Variants in AGBL4 observed in about 807,000 individuals in gnomAD.
AGBL4 encodes cytosolic carboxypeptidase 6.
A neutral mutation model predicts 66.4 loss-of-function variants in AGBL4; 58 were observed. The ratio of observed to expected loss-of-function variants is 0.87; its 90% confidence interval spans 0.71 to 1.09. The LOEUF (loss-of-function observed/expected upper bound fraction) is 1.09, where lower values mean the gene tolerates loss of function less well. Among genes scored for constraint, AGBL4 ranks in the 50% least tolerant of loss-of-function variants. AGBL4 has a pLI of 0.00. For missense variants in AGBL4, 579 were observed against 631.0 expected, an observed-to-expected ratio of 0.92 and a Z score of 0.88; for synonymous variants, 234 against 222.9, an observed-to-expected ratio of 1.05 and a Z score of -0.44.
At chr1:48,807,335 G>A (rs1645948477) in intron 6 of AGBL4, among the ~76,000 whole-genome samples, 1 of 152,190 alleles carries the variant, frequency 6.6e-6, no homozygotes, top group Admixed American at 6.5e-5. Context: ...TCCTAGTCCA[G>A]GGTTTTACCA....
At chr1:49,207,542 T>TTCCTTTCTTTC (rs1648288037) in intron 4 of AGBL4, among the ~76,000 whole-genome samples, 1 of 77,976 alleles carries the variant, frequency 1.3e-5, no homozygotes, top group East Asian at 3.9e-4. Context: ...TTTTTCTTTC[T>TTCCTTTCTTTC]TTTCTTTCTT....
chr1:49,921,796 T>C (rs1652283251), intron 1 of AGBL4, among the ~76,000 whole-genome samples: 1 of 152,182 alleles, frequency 6.6e-6, no homozygotes, highest in Non-Finnish European at 1.5e-5. Context: ...ATATCCCACC[T>C]TATTCTGCCT....
At chr1:49,771,252 T>A (rs1644048094) in intron 2 of AGBL4, among the ~76,000 whole-genome samples, 1 of 152,170 alleles carries the variant, frequency 6.6e-6, no homozygotes, top group African/African-American at 2.4e-5. Flanking sequence ...ATTTATTCAT[T>A]GGCCCATTGG....
At chr1:49,674,857 T>C (rs1454041100) in intron 3 of AGBL4, among the ~76,000 whole-genome samples, 1 of 152,132 alleles carries the variant, frequency 6.6e-6, no homozygotes, top group Non-Finnish European at 1.5e-5. Flanking sequence ...AATCACAAAA[T>C]AGTGCTTGCA....
chr1:48,769,279 G>T (rs927001053), intron 6 of AGBL4, among the ~76,000 whole-genome samples: 2 of 152,036 alleles, frequency 1.3e-5, no homozygotes, highest in Admixed American at 1.3e-4. Flanking sequence ...GGAATTGCTA[G>T]CCAGGTTTCA....
chr1:49,636,685 A>G (rs796974514), intron 3 of AGBL4, among the ~76,000 whole-genome samples: 11 of 152,310 alleles, frequency 7.2e-5, no homozygotes, highest in African/African-American at 2.4e-4. Flanking sequence ...GGTAATAAAA[A>G]TCTATGCTGT....
chr1:49,623,943 T>G (rs111937440), intron 3 of AGBL4, among the ~76,000 whole-genome samples: 6 of 152,106 alleles, frequency 3.9e-5, no homozygotes, highest in African/African-American at 1.4e-4. Context: ...TGGGGTCCCA[T>G]TTTTCTCATC....
At chr1:49,517,054 C>T (rs1270710841) in intron 3 of AGBL4, among the ~76,000 whole-genome samples, 2 of 151,836 alleles carry the variant, frequency 1.3e-5, no homozygotes, top group Admixed American at 6.6e-5. Flanking sequence ...CACCTAATCT[C>T]GATGTTGTGA....
chr1:49,283,268 C>T (rs940621481), intron 3 of AGBL4, among the ~76,000 whole-genome samples: 3 of 152,294 alleles, frequency 2.0e-5, no homozygotes, highest in Admixed American at 6.5e-5. Flanking sequence ...CACACTGACA[C>T]CTCACACGGC....
At chr1:49,107,694 T>TGAGA (rs56321932) in intron 4 of AGBL4, among the ~76,000 whole-genome samples, 2,097 of 113,900 alleles carry the variant, frequency 0.018, 37 homozygotes, top group East Asian at 0.074. Flanking sequence ...TGTGTGTGTG[T>TGAGA]GAGAGAGAGA....
At chr1:49,008,866 G>T (rs947270027) in intron 5 of AGBL4, among the ~76,000 whole-genome samples, 1 of 151,970 alleles carries the variant, frequency 6.6e-6, no homozygotes, top group Non-Finnish European at 1.5e-5. Context: ...TCTGTGGGAC[G>T]CATTCAGAGG....
At chr1:48,833,762 G>C (rs974681066) in intron 6 of AGBL4, among the ~76,000 whole-genome samples, 1 of 152,140 alleles carries the variant, frequency 6.6e-6, no homozygotes, top group African/African-American at 2.4e-5. Flanking sequence ...AATGAAGCAT[G>C]GTTGTTGGGC....
At chr1:48,619,109 G>T (rs1645367512) in intron 9 of AGBL4, among the ~76,000 whole-genome samples, 1 of 152,172 alleles carries the variant, frequency 6.6e-6, no homozygotes, top group Admixed American at 6.5e-5. Context: ...TGGGCCTTGG[G>T]ATCAGGCAGA....
chr1:48,808,243 A>C (rs543218076), intron 6 of AGBL4, among the ~76,000 whole-genome samples: 1 of 152,324 alleles, frequency 6.6e-6, no homozygotes, highest in Non-Finnish European at 1.5e-5. Context: ...ATTGAAGGGA[A>C]GATTATTCTT....
At chr1:48,813,278 C>A (rs1646099477) in intron 6 of AGBL4, among the ~76,000 whole-genome samples, 1 of 151,930 alleles carries the variant, frequency 6.6e-6, no homozygotes, top group Non-Finnish European at 1.5e-5. Context: ...GACATGAATT[C>A]AATATATGAA....
chr1:49,293,333 G>A (rs769771293), intron 3 of AGBL4, among the ~76,000 whole-genome samples: 4 of 152,336 alleles, frequency 2.6e-5, no homozygotes, highest in South Asian at 4.1e-4. Flanking sequence ...AGCATGAGCC[G>A]AGTGTAGCCT....
chr1:49,067,581 T>C (rs914948108), intron 4 of AGBL4, among the ~76,000 whole-genome samples: 1 of 152,176 alleles, frequency 6.6e-6, no homozygotes, highest in Admixed American at 6.6e-5. Flanking sequence ...TCATCTCAGA[T>C]GCCACCTACA....
At chr1:49,564,417 C>G (rs950974218) in intron 3 of AGBL4, among the ~76,000 whole-genome samples, 6 of 152,122 alleles carry the variant, frequency 3.9e-5, no homozygotes, top group Non-Finnish European at 8.8e-5. Flanking sequence ...AATTTTAGAT[C>G]TTTCCTGCTT....
intron 6 of AGBL4, among the ~76,000 whole-genome samples, chr1:48,812,977 G>C (rs999982007): frequency 2.0e-5 from 3 of 151,978 alleles, no homozygotes; most frequent in African/African-American, 2.4e-5. Flanking sequence ...GGGGGAGAGG[G>C]GAGGGATAGC....
Sources: allele counts gnomAD v4.1 joint callset (sites outside exome capture counted in the v4.1 genomes callset), GRCh38; gene constraint gnomAD v4.1.1; transcripts MANE v1.5; gene names NCBI Gene and HGNC (gene_info 2026-07-23, HGNC 2026-07-21).